Variants in TSPEAR observed in about 807,000 individuals in gnomAD.
TSPEAR encodes thrombospondin type laminin G domain and EAR repeats.
In TSPEAR, 69 loss-of-function variants were observed where a neutral mutation model predicts 71.6. The observed-to-expected ratio is 0.96, with a 90% CI of 0.79 to 1.18. TSPEAR has a LOEUF of 1.18. Among genes scored for constraint, TSPEAR ranks in the 50% most tolerant of loss-of-function variants. The probability of loss-of-function intolerance (pLI) is 0.00; values close to 1 mark genes in which losing one functional copy is unlikely to be tolerated. For missense variants in TSPEAR, 971 were observed against 894.9 expected, an observed-to-expected ratio of 1.09 and a Z score of -1.09; for synonymous variants, 402 against 387.2, an observed-to-expected ratio of 1.04 and a Z score of -0.45.
intron 9 of TSPEAR, among the ~76,000 whole-genome samples, chr21:44,514,478 A>G (rs1555913105): frequency 6.6e-6 from 1 of 152,206 alleles, no homozygotes; most frequent in Non-Finnish European, 1.5e-5. Context: ...GGTCCTTACT[A>G]ACATGGTGGC....
At chr21:44,640,645 C>T (rs893631615) in intron 1 of TSPEAR, among the ~76,000 whole-genome samples, 9 of 152,178 alleles carry the variant, frequency 5.9e-5, no homozygotes, top group East Asian at 1.9e-4. Context: ...AAATGAATGG[C>T]GCCAGAGCAG....
chr21:44,694,471 C>G (rs1231875861), intron 1 of TSPEAR, among the ~76,000 whole-genome samples: 1 of 152,130 alleles, frequency 6.6e-6, no homozygotes, highest in Non-Finnish European at 1.5e-5. Context: ...GAAGAAGAAA[C>G]AGTCCTAGAG....
chr21:44,658,242 T>C (rs1555942981), intron 1 of TSPEAR: 1 of 1,613,764 alleles, frequency 6.2e-7, no homozygotes, highest in African/African-American at 1.3e-5. Context: ...TGCAGACCCA[T>C]CTCCTGCAGC....
intron 1 of TSPEAR, among the ~76,000 whole-genome samples, chr21:44,680,901 C>T (rs995425279): frequency 3.3e-5 from 5 of 152,024 alleles, no homozygotes; most frequent in African/African-American, 9.7e-5. Context: ...TTAATGGGTA[C>T]AAACATACAG....
intron 1 of TSPEAR, chr21:44,702,887 C>T (rs1987726337): frequency 8.8e-6 from 6 of 683,714 alleles, no homozygotes; most frequent in Non-Finnish European, 1.5e-5. Context: ...CTAGTACACA[C>T]CGCACTGGTA....
At chr21:44,571,749 G>A (rs1388411734) in intron 1 of TSPEAR, among the ~76,000 whole-genome samples, 1 of 152,210 alleles carries the variant, frequency 6.6e-6, no homozygotes, top group East Asian at 1.9e-4. Flanking sequence ...AATACATAGT[G>A]ATCATATTGG....
chr21:44,593,825 C>T lies in TSPEAR; in HGVS notation c.83-25820G>A, dbSNP rs587715935. On this transcript the variant is annotated intron_variant, in intron 1 of 11. Transcript: ENST00000323084. This position sits in a 1 kb window ranked among gnomAD's most constrained non-coding sequence, Gnocchi z 5.9. Reference sequence around the variant, plus strand: ...AGTGGCTAAACACGCACTGGCCCCGCGATGAGGATGAGCAAGGTTCAAACG... The same window carrying T: ...AGTGGCTAAACACGCACTGGCCCCGTGATGAGGATGAGCAAGGTTCAAACG... 1.3e-5 allele frequency among the ~76,000 whole-genome samples: 2 copies of T among 152,280 alleles called. No individual in the cohort carries two copies. The highest frequency in any genetic ancestry group is 3.4e-3 in the Middle Eastern group (1 of 294).
intron 1 of TSPEAR, among the ~76,000 whole-genome samples, chr21:44,699,398 A>AAAT (rs1555951225): frequency 1.4e-5 from 2 of 147,022 alleles, no homozygotes; most frequent in Non-Finnish European, 3.0e-5. Flanking sequence ...AAAAAAAAAA[A>AAAT]GGGTTGGGGA....
At chr21:44,518,666 C>T (rs782741025) in intron 9 of TSPEAR, 45 of 470,376 alleles carry the variant, frequency 9.6e-5, no homozygotes, top group Non-Finnish European at 1.7e-4. Flanking sequence ...TGGAGGCCCG[C>T]CCCCTGCCCC....
Position 44,549,597 on chromosome 21 carries a change from G to A in TSPEAR, c.304-15674C>T, listed in dbSNP as rs113972599. On this transcript the variant is annotated intron_variant, in intron 2 of 11. Transcript: ENST00000323084. Reference sequence around the variant, plus strand: ...AGACTCAGGGCCTCTTGCGGGCAACGTGGTGACGGTCATACCTCGCCAGCA... The same window carrying A: ...AGACTCAGGGCCTCTTGCGGGCAACATGGTGACGGTCATACCTCGCCAGCA... Among the ~76,000 whole-genome samples the A allele has an allele frequency of 9.5e-3, 1,442 of 152,356 alleles. 13 individuals carry two copies. Among genetic ancestry groups the A allele is most frequent in the African/African-American group, 0.032 (1,319 of 41,574 alleles).
chr21:44,607,770 A>T (rs1981407124), intron 1 of TSPEAR, among the ~76,000 whole-genome samples: 1 of 152,192 alleles, frequency 6.6e-6, no homozygotes, highest in Admixed American at 6.5e-5. Context: ...GGAATGTGAA[A>T]TGGAAAAATC....
At chr21:44,702,075 C>T (rs1987674987) in intron 1 of TSPEAR, 2 of 739,322 alleles carry the variant, frequency 2.7e-6, no homozygotes, top group Non-Finnish European at 4.3e-6. Flanking sequence ...TGCCGTCACA[C>T]ACGTTCCTAT....
At chr21:44,518,572 G>A in intron 9 of TSPEAR, 1 of 459,298 alleles carries the variant, frequency 2.2e-6, no homozygotes, top group Non-Finnish European at 4.6e-6. Flanking sequence ...CACAACAGCT[G>A]TTAGGAGACC....
At chr21:44,562,624 GA>G (rs1459543013) in intron 2 of TSPEAR, among the ~76,000 whole-genome samples, 6 of 152,186 alleles carry the variant, frequency 3.9e-5, no homozygotes, top group Non-Finnish European at 4.4e-5. Flanking sequence ...AGCAGCAAGA[GA>G]AAAACAAGTT....
chr21:44,579,867 A>T (rs1445667534), intron 1 of TSPEAR: 3 of 1,597,450 alleles, frequency 1.9e-6, no homozygotes, highest in Non-Finnish European at 2.6e-6. Context: ...CAGCAGGAGG[A>T]GATGGGCAGG....
intron 1 of TSPEAR, chr21:44,697,190 G>A (rs1555950703): frequency 6.2e-7 from 1 of 1,611,646 alleles, no homozygotes; most frequent in East Asian, 2.2e-5. Flanking sequence ...CCCCAGCACG[G>A]CTGCATCCAC....
intron 11 of TSPEAR, among the ~76,000 whole-genome samples, chr21:44,503,694 G>T (rs1278483626): frequency 7.1e-6 from 1 of 140,254 alleles, no homozygotes; most frequent in African/African-American, 2.8e-5. Context: ...GGCTCTGGGA[G>T]GAAGCCGGCC....
chr21:44,560,303 A>G (rs774281369), intron 2 of TSPEAR, among the ~76,000 whole-genome samples: 1 of 152,196 alleles, frequency 6.6e-6, no homozygotes, highest in Non-Finnish European at 1.5e-5. Flanking sequence ...ATATATATGC[A>G]CCAAATATAA....
At chr21:44,587,243 C>G (rs1245341556) in intron 1 of TSPEAR, among the ~76,000 whole-genome samples, 12 of 152,158 alleles carry the variant, frequency 7.9e-5, no homozygotes, top group Admixed American at 7.9e-4. Context: ...TATACACCAA[C>G]AGCGACTAAG....
Sources: allele counts gnomAD v4.1 joint callset (sites outside exome capture counted in the v4.1 genomes callset), GRCh38; gene constraint gnomAD v4.1.1; non-coding constraint Gnocchi (gnomAD v3.1); transcripts MANE v1.5; gene names NCBI Gene and HGNC (gene_info 2026-07-23, HGNC 2026-07-21).